Variants in TRAF3IP2 observed in about 807,000 individuals in gnomAD.
The protein encoded by TRAF3IP2 is E3 ubiquitin ligase TRAF3IP2.
TRAF3IP2 carries 35 observed loss-of-function variants against 57.9 expected under a neutral mutation model. The ratio of observed to expected loss-of-function variants is 0.60; its 90% CI spans 0.46 to 0.80. The LOEUF is 0.80. Among genes scored for constraint, TRAF3IP2 ranks in the 30% least tolerant of loss-of-function variants. The pLI is 0.00. For synonymous variants in TRAF3IP2, 251 were observed against 268.9 expected, an observed-to-expected ratio of 0.93 and a Z score of 0.65; for missense variants, 556 against 706.4, an observed-to-expected ratio of 0.79 and a Z score of 2.41.
At position 111,566,999 on chromosome 6, in the gene TRAF3IP2, C is replaced by T. The variant is rs1003324924; in HGVS notation, c.1360-439G>A. ...TTAGCACAGTCAGTAGGAACAGACCCTTCAGCACAAAGCAAACATCAGGCT... is the reference window on the plus strand; with the variant it reads ...TTAGCACAGTCAGTAGGAACAGACCTTTCAGCACAAAGCAAACATCAGGCT... On this transcript the variant is annotated intron_variant, in intron 6 of 8. Transcript: ENST00000368761. 1.8e-5 allele frequency: 4 copies of T among 218,546 alleles called. No homozygotes were observed. In the South Asian group the frequency reaches 3.3e-4, roughly 18 times the overall value. 13.5% of individuals were successfully genotyped at this position (218,546 alleles called of 1,614,324 possible).
chr6:111,571,185 C>T (rs1457899882), intron 5 of TRAF3IP2, among the ~76,000 whole-genome samples: 1 of 151,250 alleles, frequency 6.6e-6, no homozygotes, highest in Non-Finnish European at 1.5e-5. Flanking sequence ...AAGCAATTCT[C>T]CTGCCTCAGC....
intron 2 of TRAF3IP2, among the ~76,000 whole-genome samples, chr6:111,583,315 G>A (rs907889720): frequency 6.6e-6 from 1 of 152,206 alleles, no homozygotes; most frequent in Non-Finnish European, 1.5e-5. Context: ...AGGTCTCCTA[G>A]ACCAGGGGCT....
intron 1 of TRAF3IP2, among the ~76,000 whole-genome samples, chr6:111,593,901 C>T (rs962884786): frequency 2.0e-5 from 3 of 152,100 alleles, no homozygotes; most frequent in Admixed American, 2.0e-4. Flanking sequence ...GAGGCTGAGG[C>T]GGGTGGATCA....
Position 111,581,347 on chromosome 6 carries a change from G to A in TRAF3IP2, c.830-958C>T, listed in dbSNP as rs575668375. Reference sequence around the variant, plus strand: ...GAGCCACATGGTAGCCCTGCAAGATGAGCAATGAGCACCTCCTAGTGATCC... The same window carrying A: ...GAGCCACATGGTAGCCCTGCAAGATAAGCAATGAGCACCTCCTAGTGATCC... On this transcript the variant is annotated intron_variant, in intron 2 of 8. Transcript: ENST00000368761. Among the ~76,000 whole-genome samples, 11 of 152,278 alleles carry A rather than the reference G, an allele frequency of 7.2e-5. 1 individual carries two copies. The East Asian group carries it at 1.9e-3, about 27-fold the overall frequency.
chr6:111,568,800 T>C (rs1795738856), intron 5 of TRAF3IP2, among the ~76,000 whole-genome samples: 3 of 152,138 alleles, frequency 2.0e-5, no homozygotes, highest in African/African-American at 7.2e-5. Context: ...ACTCCCCACA[T>C]TGGAGTCCCC....
intron 1 of TRAF3IP2, among the ~76,000 whole-genome samples, chr6:111,593,118 G>C (rs748484668): frequency 9.2e-5 from 14 of 152,236 alleles, no homozygotes; most frequent in Non-Finnish European, 1.3e-4. Flanking sequence ...CCAGAGGACT[G>C]CACAGGAGCA....
At chr6:111,601,357 T>A in intron 1 of TRAF3IP2, 1 of 530,024 alleles carries the variant, frequency 1.9e-6, no homozygotes, top group Non-Finnish European at 3.5e-6. Context: ...TCTCATTAAA[T>A]TTTAATCATT....
intron 6 of TRAF3IP2, 140 bp downstream of exon 6, chr6:111,567,484 T>G: frequency 7.6e-7 from 1 of 1,318,020 alleles, no homozygotes; most frequent in Non-Finnish European, 9.8e-7. Flanking sequence ...TTTGCACGGC[T>G]TCCAACAAGG....
chr6:111,574,301 T>C (rs1795914289), intron 4 of TRAF3IP2, among the ~76,000 whole-genome samples: 1 of 152,208 alleles, frequency 6.6e-6, no homozygotes, highest in Non-Finnish European at 1.5e-5. Context: ...TCAGGTTTGG[T>C]TCAAAGAGGT....
At chr6:111,579,627 G>T (rs1796096755) in intron 3 of TRAF3IP2, among the ~76,000 whole-genome samples, 1 of 152,122 alleles carries the variant, frequency 6.6e-6, no homozygotes, top group African/African-American at 2.4e-5. Context: ...AGCTACTTAG[G>T]AGGCTGAGGT....
At chr6:111,592,495 A>G (rs1333443489) in intron 1 of TRAF3IP2, among the ~76,000 whole-genome samples, 1 of 152,214 alleles carries the variant, frequency 6.6e-6, no homozygotes, top group African/African-American at 2.4e-5. Context: ...AGATATATTG[A>G]GTTTTTTTTA....
intron 1 of TRAF3IP2, among the ~76,000 whole-genome samples, chr6:111,596,597 G>A (rs575641351): frequency 1.1e-3 from 166 of 152,316 alleles, no homozygotes; most frequent in Admixed American, 2.6e-3. Flanking sequence ...GTGATTACAG[G>A]TGTGCGCCAC....
intron 1 of TRAF3IP2, among the ~76,000 whole-genome samples, chr6:111,594,148 G>T (rs1554265176): frequency 1.3e-4 from 11 of 86,914 alleles, no homozygotes; most frequent in Admixed American, 1.2e-4. Context: ...AAAAAAAAAT[G>T]CTCACCATTT....
chr6:111,566,182 A>G lies in TRAF3IP2; in HGVS notation c.1476+262T>C, dbSNP rs536175023. Among the ~76,000 whole-genome samples, 19 of 152,082 alleles carry G rather than the reference A, an allele frequency of 1.2e-4. 1 individual carries two copies. In the South Asian group the frequency reaches 3.7e-3, roughly 30 times the overall value. ...AGCCAGCAGAGCACGTCTTTCCAGAATCTTGGATCCTAGAGATGACAGATT... is the reference window on the plus strand; with the variant it reads ...AGCCAGCAGAGCACGTCTTTCCAGAGTCTTGGATCCTAGAGATGACAGATT... On this transcript the variant is annotated intron_variant, in intron 7 of 8. Coordinates refer to ENST00000368761, the MANE Select transcript of TRAF3IP2 (RefSeq NM_147686.4).
At chr6:111,575,353 C>T (rs1795946899) in intron 4 of TRAF3IP2, among the ~76,000 whole-genome samples, 1 of 151,864 alleles carries the variant, frequency 6.6e-6, no homozygotes, top group African/African-American at 2.4e-5. Flanking sequence ...CTGTGGGAGG[C>T]CGAGGCAGGT....
At chr6:111,571,309 C>G in intron 5 of TRAF3IP2, among the ~76,000 whole-genome samples, 1 of 152,028 alleles carries the variant, frequency 6.6e-6, no homozygotes, top group East Asian at 1.9e-4. Flanking sequence ...AACTCCTGAC[C>G]TCAGGTGATC....
intron 1 of TRAF3IP2, among the ~76,000 whole-genome samples, chr6:111,592,631 T>C (rs1796557630): frequency 6.6e-6 from 1 of 152,186 alleles, no homozygotes; most frequent in African/African-American, 2.4e-5. Context: ...TATACAGACA[T>C]TGCTACACTG....
At position 111,605,870 on chromosome 6, in the gene TRAF3IP2, TAGA is replaced by T. The variant is rs1183191609; in HGVS notation, c.-106_-104del. ...TCCACCTTCTCCGGGCCCAGGTAAG[TAGA>T]AGAACAGGCTCTGAAGCAGGAAGTG... On this transcript the variant is annotated 5_prime_UTR_variant, in exon 1 of 9. Transcript: ENST00000368761. 5.9e-5 allele frequency: 9 copies of T among 152,054 alleles called. No homozygotes were observed. The East Asian group carries it at 1.2e-3, about 20-fold the overall frequency. 9.4% of individuals were successfully genotyped at this position (152,054 alleles called of 1,614,324 possible).
chr6:111,594,179 T>C (rs1796611174), intron 1 of TRAF3IP2, among the ~76,000 whole-genome samples: 1 of 151,890 alleles, frequency 6.6e-6, no homozygotes, highest in African/African-American at 2.4e-5. Flanking sequence ...TTTCTTGCAA[T>C]TTTTCCACAG....
Sources: allele counts gnomAD v4.1 joint callset (sites outside exome capture counted in the v4.1 genomes callset), GRCh38; gene constraint gnomAD v4.1.1; transcripts MANE v1.5; gene names NCBI Gene and HGNC (gene_info 2026-07-23, HGNC 2026-07-21).